Variants in SYNDIG1 observed in about 807,000 individuals in gnomAD.
SYNDIG1 encodes the protein synapse differentiation inducing 1.
A neutral mutation model predicts 19.4 loss-of-function variants in SYNDIG1; 9 were observed. The ratio of observed to expected loss-of-function variants is 0.46; its 90% CI spans 0.28 to 0.81. The LOEUF (loss-of-function observed/expected upper bound fraction) is 0.81. Among genes scored for constraint, SYNDIG1 ranks in the 30% least tolerant of loss-of-function variants. SYNDIG1 has a pLI of 0.12. For synonymous variants in SYNDIG1, 141 were observed against 145.9 expected (o/e 0.97, Z 0.24); for missense variants, 311 against 343.3 (o/e 0.91, Z 0.74).
chr20:24,492,736 C>T (rs1156953552), intron 1 of SYNDIG1, among the ~76,000 whole-genome samples: 1 of 152,250 alleles, frequency 6.6e-6, no homozygotes, highest in East Asian at 1.9e-4. Context: ...CAGCACCCAG[C>T]TTACCACCTG....
chr20:24,573,720 C>T (rs1448347808), intron 2 of SYNDIG1, among the ~76,000 whole-genome samples: 2 of 152,180 alleles, frequency 1.3e-5, no homozygotes, highest in Non-Finnish European at 2.9e-5. Context: ...TGAGGTTTCT[C>T]ATCCTGCATG....
intron 1 of SYNDIG1, among the ~76,000 whole-genome samples, chr20:24,472,992 C>T (rs909283422): frequency 1.3e-5 from 2 of 152,204 alleles, no homozygotes; most frequent in African/African-American, 4.8e-5. Flanking sequence ...TTCATGACTC[C>T]AGCTTGACCC....
chr20:24,541,818 G>T (rs1412105507), intron 1 of SYNDIG1, among the ~76,000 whole-genome samples: 1 of 152,212 alleles, frequency 6.6e-6, no homozygotes, highest in Non-Finnish European at 1.5e-5. Flanking sequence ...TGGAAGAACA[G>T]TAGCACTGTC....
At chr20:24,469,888 T>A (rs1228898824) in intron 1 of SYNDIG1, 135 bp downstream of exon 1, 1 of 151,478 alleles carries the variant, frequency 6.6e-6, no homozygotes, top group Non-Finnish European at 1.5e-5. Context: ...TGGCTCCGCC[T>A]CGGAGCGCGC....
At chr20:24,582,117 T>C (rs1392288559) in intron 2 of SYNDIG1, among the ~76,000 whole-genome samples, 11 of 63,986 alleles carry the variant, frequency 1.7e-4, no homozygotes, top group Admixed American at 2.1e-4. Flanking sequence ...CCCATGTACG[T>C]CCTCCCCCTT....
intron 1 of SYNDIG1, among the ~76,000 whole-genome samples, chr20:24,496,751 G>T (rs1034381339): frequency 1.3e-5 from 2 of 152,182 alleles, no homozygotes; most frequent in Non-Finnish European, 2.9e-5. Context: ...AGCTTATCCT[G>T]ACACTAAAGC....
chr20:24,528,984 A>C (rs1466256633), intron 1 of SYNDIG1, among the ~76,000 whole-genome samples: 1 of 152,196 alleles, frequency 6.6e-6, no homozygotes, highest in Non-Finnish European at 1.5e-5. Flanking sequence ...GTGTGAGTGC[A>C]GGCTTGTGGT....
intron 1 of SYNDIG1, among the ~76,000 whole-genome samples, chr20:24,473,144 T>C (rs1455959123): frequency 6.6e-6 from 1 of 152,102 alleles, no homozygotes; most frequent in Non-Finnish European, 1.5e-5. Context: ...TGGGTAAAGG[T>C]GACAAGGACT....
At chr20:24,621,768 T>TG (rs1183327575) in intron 3 of SYNDIG1, among the ~76,000 whole-genome samples, 1 of 152,164 alleles carries the variant, frequency 6.6e-6, no homozygotes, top group Non-Finnish European at 1.5e-5. Context: ...AACCATGAGT[T>TG]GAGCTTGAAA....
intron 2 of SYNDIG1, among the ~76,000 whole-genome samples, chr20:24,562,495 A>T (rs996559446): frequency 6.6e-6 from 1 of 152,230 alleles, no homozygotes; most frequent in Non-Finnish European, 1.5e-5. Flanking sequence ...AATAAAAATC[A>T]ATATCTTTAC....
At chr20:24,545,465 G>A (rs1390356458) in intron 2 of SYNDIG1, among the ~76,000 whole-genome samples, 1 of 152,174 alleles carries the variant, frequency 6.6e-6, no homozygotes, top group African/African-American at 2.4e-5. Flanking sequence ...AGTGGAATTA[G>A]AGAGGCAGAT....
chr20:24,571,285 C>T (rs963394709), intron 2 of SYNDIG1, among the ~76,000 whole-genome samples: 2 of 152,102 alleles, frequency 1.3e-5, no homozygotes, highest in Non-Finnish European at 2.9e-5. Flanking sequence ...TGGTGAAATC[C>T]GATTAAGGTC....
chr20:24,651,714 C>T (rs990381628), intron 3 of SYNDIG1, among the ~76,000 whole-genome samples: 23 of 152,218 alleles, frequency 1.5e-4, no homozygotes, highest in Non-Finnish European at 2.6e-4. Flanking sequence ...ATCCTTTCCC[C>T]TTGAATCTGG....
rs547577385 is a variant in SYNDIG1, at chr20:24,658,343, C to T, written c.619-7003C>T. Among the ~76,000 whole-genome samples the T allele has an allele frequency of 5.6e-4, 85 of 152,090 alleles. No individual in the cohort carries two copies. Among genetic ancestry groups the T allele is most frequent in the Non-Finnish European group, 1.1e-3 (75 of 67,978 alleles). ...AGTGACGCGGCAGGGGACTGGAGCTCGGTGGAGTGGACTCTGCCTCGGGGT... is the reference window on the plus strand; with the variant it reads ...AGTGACGCGGCAGGGGACTGGAGCTTGGTGGAGTGGACTCTGCCTCGGGGT... On this transcript the variant is annotated intron_variant, in intron 3 of 3. Transcript: ENST00000376862. This position sits in a 1 kb window ranked among gnomAD's most constrained non-coding sequence, Gnocchi z 4.4.
intron 3 of SYNDIG1, among the ~76,000 whole-genome samples, chr20:24,606,632 C>G (rs1465139864): frequency 3.3e-5 from 5 of 152,102 alleles, no homozygotes; most frequent in Non-Finnish European, 2.9e-5. Context: ...TTACTGTAGC[C>G]CAGTTAATCC....
At chr20:24,484,954 T>C (rs2055914220) in intron 1 of SYNDIG1, among the ~76,000 whole-genome samples, 2 of 152,160 alleles carry the variant, frequency 1.3e-5, no homozygotes, top group African/African-American at 4.8e-5. Context: ...ATTCTTGAAG[T>C]AGTGAGTTCT....
intron 2 of SYNDIG1, among the ~76,000 whole-genome samples, chr20:24,544,201 G>T (rs935717203): frequency 1.3e-5 from 2 of 152,218 alleles, no homozygotes; most frequent in Non-Finnish European, 2.9e-5. Context: ...GTTGGATATA[G>T]TGTGGTAGGC....
intron 3 of SYNDIG1, among the ~76,000 whole-genome samples, chr20:24,654,542 CA>C (rs1280522421): frequency 6.8e-6 from 1 of 146,282 alleles, no homozygotes; most frequent in Non-Finnish European, 1.5e-5. Flanking sequence ...TAAAGTGCAA[CA>C]AAAGGAGAGA....
At chr20:24,588,490 G>A (rs763231446) in intron 3 of SYNDIG1, among the ~76,000 whole-genome samples, 2 of 152,226 alleles carry the variant, frequency 1.3e-5, no homozygotes, top group Non-Finnish European at 2.9e-5. Context: ...GCACTTGCTA[G>A]AAATGCACAC....
Sources: allele counts gnomAD v4.1 joint callset (sites outside exome capture counted in the v4.1 genomes callset), GRCh38; gene constraint gnomAD v4.1.1; non-coding constraint Gnocchi (gnomAD v3.1); transcripts MANE v1.5; gene names NCBI Gene and HGNC (gene_info 2026-07-23, HGNC 2026-07-21).